The following FAM178B variants were observed in gnomAD, a reference collection of about 807,000 sequenced individuals.
The protein encoded by FAM178B is family with sequence similarity 178 member B.
A neutral mutation model predicts 91.7 loss-of-function variants in FAM178B; 82 were observed. The observed-to-expected ratio is 0.89, with a 90% CI of 0.75 to 1.07. FAM178B has a LOEUF of 1.07. FAM178B is among the 50% of genes least tolerant of loss of function. FAM178B has a pLI of 0.00. For missense variants in FAM178B, 769 were observed against 846.7 expected (o/e 0.91, Z 1.14); for synonymous variants, 368 against 359.4 (o/e 1.02, Z -0.27).
At chr2:96,930,210 CAAAAAAAAAAAA>C (rs60102987) in intron 8 of FAM178B, among the ~76,000 whole-genome samples, 15 of 39,486 alleles carry the variant, frequency 3.8e-4, no homozygotes, top group Admixed American at 1.4e-3. Flanking sequence ...TCCGTCTCTC[CAAAAAAAAAAAA>C]AAAAAAAAAA....
chr2:96,979,309 G>A (rs1212986007), intron 1 of FAM178B, among the ~76,000 whole-genome samples: 9 of 115,830 alleles, frequency 7.8e-5, no homozygotes, highest in Admixed American at 3.2e-4. Context: ...AGACAGAGTC[G>A]CACTCTGTCA....
intron 1 of FAM178B, among the ~76,000 whole-genome samples, chr2:96,984,531 G>C (rs915242512): frequency 6.6e-6 from 1 of 152,186 alleles, no homozygotes; most frequent in African/African-American, 2.4e-5. Context: ...AGCGTATTCA[G>C]ACTGGCTGGC....
intron 13 of FAM178B, chr2:96,895,152 G>A: frequency 2.4e-6 from 3 of 1,273,506 alleles, no homozygotes; most frequent in South Asian, 1.2e-5. Flanking sequence ...CCTTCCAGGG[G>A]ATTTTAAAGC....
At chr2:96,913,548 C>T (rs893747778) in intron 12 of FAM178B, among the ~76,000 whole-genome samples, 7 of 152,164 alleles carry the variant, frequency 4.6e-5, no homozygotes, top group East Asian at 3.9e-4. Flanking sequence ...AGGGAAGCCA[C>T]GGTGCATCTG....
At chr2:96,897,676 T>G (rs1240613210) in intron 13 of FAM178B, among the ~76,000 whole-genome samples, 1 of 152,222 alleles carries the variant, frequency 6.6e-6, no homozygotes, top group African/African-American at 2.4e-5. Flanking sequence ...CCGCCCACGC[T>G]GCTGTTTCTC....
At chr2:96,941,456 G>T (rs1176612971) in intron 8 of FAM178B, among the ~76,000 whole-genome samples, 1 of 152,166 alleles carries the variant, frequency 6.6e-6, no homozygotes, top group Non-Finnish European at 1.5e-5. Flanking sequence ...CGGCAGAAAA[G>T]AAAGTAACCC....
At chr2:96,921,398 C>T (rs751700308) in intron 11 of FAM178B, 80 bp downstream of exon 11, 150 of 1,519,232 alleles carry the variant, frequency 9.9e-5, no homozygotes, top group Middle Eastern at 1.7e-4. Context: ...GCAGTGCCAT[C>T]CCCACCCAGG....
chr2:96,883,848 C>T (rs2080450455), intron 14 of FAM178B, among the ~76,000 whole-genome samples: 1 of 152,194 alleles, frequency 6.6e-6, no homozygotes, highest in East Asian at 1.9e-4. Context: ...ATGCTCACAG[C>T]CCTAGCCTGG....
At chr2:96,977,950 C>CGGGG in intron 1 of FAM178B, 11 of 229,300 alleles carry the variant, frequency 4.8e-5, no homozygotes, top group Admixed American at 1.2e-4. Context: ...GTGGGGCGGG[C>CGGGG]GGGGGAGGGG....
Position 96,877,951 on chromosome 2 carries a change from T to C in FAM178B, c.1946A>G (p.Lys649Arg), listed in dbSNP as rs2080286270. ...GATGTAGGTCTGGGTAGCCAGGTCC[T>C]TGAGCATGGTGCGGTGCATGGCCTG... ...SPQAMHRTML[K>R]DLATQTYIRW... is the part of the protein sequence containing the mutation. Residue 649 changes from lysine to arginine, a missense_variant, in exon 16 of 17, where the codon AAG becomes AGG. Physicochemically the swap from Lys to Arg is conservative, Grantham distance 26 (BLOSUM62 2). Coordinates refer to ENST00000490605, the MANE Select transcript of FAM178B (RefSeq NM_001122646.3). 4 of 1,613,898 alleles carry C rather than the reference T, an allele frequency of 2.5e-6. No homozygotes were observed. Among genetic ancestry groups the C allele is most frequent in the Non-Finnish European group, 1.7e-6 (2 of 1,180,016 alleles).
chr2:96,888,061 A>AT (rs1010895382), intron 14 of FAM178B, among the ~76,000 whole-genome samples: 5 of 152,250 alleles, frequency 3.3e-5, no homozygotes, highest in African/African-American at 1.2e-4. Flanking sequence ...AGCTGGCCTG[A>AT]GCCTGGGCCC....
chr2:96,969,296 T>C lies in FAM178B; in HGVS notation c.626+1420A>G, dbSNP rs2082186311. On this transcript the variant is annotated intron_variant, in intron 4 of 16. Transcript: ENST00000490605. ...ATTTGGAGTAAGAAAGTAATTAAGG[T>C]AAAATGAGGTCATAGGACAGGCCCT... Among the ~76,000 whole-genome samples the C allele has an allele frequency of 2.6e-5, 4 of 152,142 alleles. No individual in the cohort carries two copies. The South Asian group carries it at 8.3e-4, about 32-fold the overall frequency.
Position 96,893,773 on chromosome 2 carries a change from C to A in FAM178B, c.1776+153G>T, listed in dbSNP as rs573997698. Among the ~76,000 whole-genome samples, 37 of 152,284 alleles carry A rather than the reference C, an allele frequency of 2.4e-4. No individual in the cohort carries two copies. In the South Asian group the frequency reaches 7.2e-3, roughly 30 times the overall value. ...TGAGATGCTGAGCACCTCTGCTCAACACAGGGAGGCAGCCTGTTGGTCTCT... is the reference window on the plus strand; with the variant it reads ...TGAGATGCTGAGCACCTCTGCTCAAAACAGGGAGGCAGCCTGTTGGTCTCT... On this transcript the variant is annotated intron_variant, in intron 14 of 16. Coordinates refer to ENST00000490605, the MANE Select transcript of FAM178B (RefSeq NM_001122646.3).
At chr2:96,963,088 T>C (rs1484963990) in intron 5 of FAM178B, among the ~76,000 whole-genome samples, 1 of 152,204 alleles carries the variant, frequency 6.6e-6, no homozygotes, top group African/African-American at 2.4e-5. Context: ...AAATTACCAG[T>C]GTTTTCAAAG....
intron 14 of FAM178B, among the ~76,000 whole-genome samples, chr2:96,892,689 A>G (rs1384308948): frequency 6.6e-6 from 1 of 152,016 alleles, no homozygotes; most frequent in Non-Finnish European, 1.5e-5. Flanking sequence ...AGGTGCCTGC[A>G]GGCCACACTC....
At chr2:96,898,599 A>G (rs1034724981) in intron 13 of FAM178B, among the ~76,000 whole-genome samples, 4 of 152,198 alleles carry the variant, frequency 2.6e-5, no homozygotes, top group African/African-American at 4.8e-5. Flanking sequence ...GGCTGCAGTG[A>G]GTCGTGATCA....
intron 12 of FAM178B, 53 bp from the exon 13 acceptor site, chr2:96,902,760 G>T: frequency 1.5e-6 from 2 of 1,366,380 alleles, no homozygotes; most frequent in South Asian, 1.2e-5. Flanking sequence ...CGGGGAGCCC[G>T]AGCAGGGGGC....
chr2:96,875,987 A>C lies in FAM178B; in HGVS notation c.*289T>G. The stretch of plus-strand genomic sequence containing the variant: ...ACTGAGGCCCAGGGAAACCAGAGCT[A>C]TGGAGACAGAGGCCTTAGGGAAGAG... On this transcript the variant is annotated 3_prime_UTR_variant, in exon 17 of 17. Coordinates refer to ENST00000490605, the MANE Select transcript of FAM178B (RefSeq NM_001122646.3). The C allele has an allele frequency of 4.2e-6, 2 of 479,080 alleles. No individual in the cohort carries two copies. The highest frequency in any genetic ancestry group is 2.0e-5 in the African/African-American group (1 of 50,668). 29.7% of individuals were successfully genotyped at this position (479,080 alleles called of 1,614,324 possible). A position where few individuals can be genotyped will look rare whatever the true frequency, so the allele number is the denominator to read the frequency against.
At chr2:96,905,816 GTGTATATATA>G (rs1359059010) in intron 12 of FAM178B, among the ~76,000 whole-genome samples, 374 of 36,668 alleles carry the variant, frequency 0.01, 18 homozygotes, top group East Asian at 0.059. Flanking sequence ...ACATATATGT[GTGTATATATA>G]TATATATATA....
Sources: allele counts gnomAD v4.1 joint callset (sites outside exome capture counted in the v4.1 genomes callset), GRCh38; gene constraint gnomAD v4.1.1; transcripts MANE v1.5; gene names NCBI Gene and HGNC (gene_info 2026-07-23, HGNC 2026-07-21).